The following CAMKMT variants were observed in gnomAD, a reference collection of about 807,000 sequenced individuals.
CAMKMT encodes the protein calmodulin-lysine N-methyltransferase.
A neutral mutation model predicts 48.0 loss-of-function variants in CAMKMT; 53 were observed. The ratio of observed to expected loss-of-function variants is 1.10; its 90% CI spans 0.89 to 1.39. The LOEUF (loss-of-function observed/expected upper bound fraction) is 1.39, where lower values mean the gene tolerates loss of function less well. Ranked by LOEUF, CAMKMT falls within the 40% of genes most tolerant of loss-of-function variation. The pLI is 0.00. For missense variants in CAMKMT, 428 were observed against 402.7 expected, an observed-to-expected ratio of 1.06 and a Z score of -0.54; for synonymous variants, 165 against 152.3, an observed-to-expected ratio of 1.08 and a Z score of -0.61.
intron 3 of CAMKMT, among the ~76,000 whole-genome samples, chr2:44,582,657 T>C (rs181275603): frequency 2.0e-4 from 31 of 152,316 alleles, no homozygotes; most frequent in African/African-American, 6.5e-4. Flanking sequence ...TTAACTACTT[T>C]ATGTTCTTAC....
chr2:44,761,376 T>C (rs948383867), intron 9 of CAMKMT, among the ~76,000 whole-genome samples: 1 of 152,132 alleles, frequency 6.6e-6, no homozygotes, highest in Non-Finnish European at 1.5e-5. Context: ...CAGGCTGCGA[T>C]AAAGGCATGG....
At chr2:44,508,006 T>C (rs1037876374) in intron 3 of CAMKMT, among the ~76,000 whole-genome samples, 1 of 152,216 alleles carries the variant, frequency 6.6e-6, no homozygotes, top group South Asian at 2.1e-4. Context: ...CTTTTATGCA[T>C]GTGTTTAAAT....
intron 3 of CAMKMT, among the ~76,000 whole-genome samples, chr2:44,567,776 G>T (rs999540445): frequency 3.9e-5 from 6 of 152,172 alleles, no homozygotes; most frequent in Non-Finnish European, 7.4e-5. Context: ...AAATTTGGGA[G>T]CCAAACTAGA....
chr2:44,735,751 A>G (rs1679320729), intron 7 of CAMKMT, among the ~76,000 whole-genome samples: 1 of 151,908 alleles, frequency 6.6e-6, no homozygotes, highest in Admixed American at 6.6e-5. Flanking sequence ...AAAAAAAAAA[A>G]CAAAAACAAA....
chr2:44,755,573 C>T (rs1020158228), intron 9 of CAMKMT, among the ~76,000 whole-genome samples: 7 of 152,130 alleles, frequency 4.6e-5, no homozygotes, highest in African/African-American at 9.7e-5. Flanking sequence ...CCATTTGTGG[C>T]AAATACTCCA....
intron 3 of CAMKMT, among the ~76,000 whole-genome samples, chr2:44,461,189 G>A (rs1667830828): frequency 6.6e-6 from 1 of 152,120 alleles, no homozygotes; most frequent in African/African-American, 2.4e-5. Flanking sequence ...AATTTGTGTT[G>A]AAGAAAAATT....
intron 3 of CAMKMT, among the ~76,000 whole-genome samples, chr2:44,402,695 C>T: frequency 6.9e-6 from 1 of 145,280 alleles, no homozygotes; most frequent in East Asian, 2.0e-4. Flanking sequence ...GAATGTTGTG[C>T]ATCCTGGACA....
intron 3 of CAMKMT, among the ~76,000 whole-genome samples, chr2:44,510,552 A>G (rs748273364): frequency 3.9e-5 from 6 of 152,182 alleles, no homozygotes; most frequent in Non-Finnish European, 7.3e-5. Context: ...ATTAATAAAT[A>G]TCTTGTTGAG....
intron 3 of CAMKMT, among the ~76,000 whole-genome samples, chr2:44,407,921 A>G (rs756677696): frequency 2.5e-4 from 38 of 152,162 alleles, no homozygotes; most frequent in Non-Finnish European, 4.3e-4. Flanking sequence ...CTCAACTGTA[A>G]TAGTAAGTTG....
In CAMKMT at chr2:44,644,978, T is replaced by C. The variant is rs111362088; in HGVS notation, c.377-59305T>C. ...TCTCAAACAGACTTGTATTGAAAGATATAAAAAAGCTTGCTTTATTCTAAC... is the reference window on the plus strand; with the variant it reads ...TCTCAAACAGACTTGTATTGAAAGACATAAAAAAGCTTGCTTTATTCTAAC... On this transcript the variant is annotated intron_variant, in intron 3 of 10. Coordinates refer to ENST00000378494, the MANE Select transcript of CAMKMT (RefSeq NM_024766.5). 2.1e-3 allele frequency among the ~76,000 whole-genome samples: 313 copies of C among 152,342 alleles called. 1 individual carries two copies. In the Middle Eastern group the frequency reaches 0.024, roughly 12 times the overall value.
intron 9 of CAMKMT, among the ~76,000 whole-genome samples, chr2:44,760,451 A>C (rs1363971769): frequency 6.6e-6 from 1 of 151,982 alleles, no homozygotes; most frequent in Non-Finnish European, 1.5e-5. Context: ...TCTACTAAAA[A>C]ATACAAAAAA....
intron 3 of CAMKMT, among the ~76,000 whole-genome samples, chr2:44,525,506 G>C (rs545401836): frequency 6.6e-6 from 1 of 152,074 alleles, no homozygotes; most frequent in Non-Finnish European, 1.5e-5. Flanking sequence ...CACCCTCCTC[G>C]GCCTCCCAAA....
chr2:44,417,319 CG>C (rs1683626808), intron 3 of CAMKMT, among the ~76,000 whole-genome samples: 1 of 151,982 alleles, frequency 6.6e-6, no homozygotes, highest in Admixed American at 6.6e-5. Context: ...TGCTTGAATC[CG>C]GGAGGCAGAG....
intron 3 of CAMKMT, among the ~76,000 whole-genome samples, chr2:44,473,445 A>T (rs1003005431): frequency 3.9e-5 from 6 of 152,172 alleles, no homozygotes. Flanking sequence ...AATTTTTTTT[A>T]AAAACAGTGC....
At chr2:44,451,105 A>G (rs1413848555) in intron 3 of CAMKMT, among the ~76,000 whole-genome samples, 1 of 152,124 alleles carries the variant, frequency 6.6e-6, no homozygotes, top group Non-Finnish European at 1.5e-5. Flanking sequence ...CCATGTAAAT[A>G]AAATAAGTGA....
chr2:44,732,387 G>A (rs1157901966), intron 7 of CAMKMT, among the ~76,000 whole-genome samples: 1 of 152,186 alleles, frequency 6.6e-6, no homozygotes, highest in Non-Finnish European at 1.5e-5. Context: ...AAATAAAATG[G>A]AGAGAATATA....
chr2:44,611,371 G>A (rs1342150726), intron 3 of CAMKMT, among the ~76,000 whole-genome samples: 1 of 151,818 alleles, frequency 6.6e-6, no homozygotes, highest in Non-Finnish European at 1.5e-5. Context: ...AGGCAGAGGT[G>A]GCAGTGAGCC....
At chr2:44,489,604 A>G (rs1192026046) in intron 3 of CAMKMT, among the ~76,000 whole-genome samples, 1 of 152,180 alleles carries the variant, frequency 6.6e-6, no homozygotes, top group East Asian at 1.9e-4. Context: ...AATGAGGTAT[A>G]ATAGTATATT....
At chr2:44,563,197 C>T (rs1668417875) in intron 3 of CAMKMT, among the ~76,000 whole-genome samples, 2 of 151,724 alleles carry the variant, frequency 1.3e-5, no homozygotes. Flanking sequence ...GGTATCTACT[C>T]TTATCTCTTC....
Sources: allele counts gnomAD v4.1 joint callset (sites outside exome capture counted in the v4.1 genomes callset), GRCh38; gene constraint gnomAD v4.1.1; transcripts MANE v1.5; gene names NCBI Gene and HGNC (gene_info 2026-07-23, HGNC 2026-07-21).